The following MBTD1 variants were observed in gnomAD, a reference collection of about 807,000 sequenced individuals.
MBTD1 encodes the protein mbt domain containing 1.
Under a neutral mutation model 87.8 loss-of-function variants are expected in MBTD1, and 24 were observed. The observed-to-expected ratio is 0.27, with a 90% CI of 0.20 to 0.38. MBTD1 has a LOEUF of 0.38. Ranked by LOEUF, MBTD1 falls within the 10% of genes least tolerant of loss-of-function variation. The pLI, the probability that MBTD1 is intolerant of heterozygous loss-of-function variation, is 1.00. For synonymous variants in MBTD1, 237 were observed against 248.6 expected (o/e 0.95, Z 0.44); for missense variants, 436 against 760.2 (o/e 0.57, Z 5.02).
rs192264371 is a variant in MBTD1 at position 51,221,791 on chromosome 17, C to A, written c.155-1328G>T. ...GATTTAAAGTATATGGAAGGATGTG[C>A]GTAAGTTATATGTAAATACCACATC... On this transcript the variant is annotated intron_variant, in intron 3 of 16. Transcript: ENST00000586178. Among the ~76,000 whole-genome samples, 395 of 152,126 alleles carry A rather than the reference C, an allele frequency of 2.6e-3. 4 individuals carry two copies. Among genetic ancestry groups the A allele is most frequent in the South Asian group, 0.015 (73 of 4,814 alleles).
chr17:51,183,517 A>G (rs1279911199), intron 16 of MBTD1: 1 of 152,202 alleles, frequency 6.6e-6, no homozygotes, highest in African/African-American at 2.4e-5. Flanking sequence ...AGAGATGGCA[A>G]TTTATTTTAT....
chr17:51,200,470 A>G (rs1213545920), intron 12 of MBTD1, among the ~76,000 whole-genome samples: 4 of 148,944 alleles, frequency 2.7e-5, no homozygotes. Context: ...CAGGAAGCTG[A>G]AGTGGGAGAA....
intron 13 of MBTD1, among the ~76,000 whole-genome samples, chr17:51,194,752 G>A (rs2051000126): frequency 6.6e-6 from 1 of 151,002 alleles, no homozygotes; most frequent in South Asian, 2.1e-4. Context: ...GTCAGACATG[G>A]TTGTGCCTTT....
At chr17:51,195,025 T>G (rs1381950460) in intron 13 of MBTD1, among the ~76,000 whole-genome samples, 189 bp downstream of exon 13, 1 of 152,200 alleles carries the variant, frequency 6.6e-6, no homozygotes, top group Non-Finnish European at 1.5e-5. Flanking sequence ...CTACTGTAAT[T>G]TATTAAAGTA....
At chr17:51,228,727 T>C (rs2053385209) in intron 2 of MBTD1, among the ~76,000 whole-genome samples, 1 of 150,712 alleles carries the variant, frequency 6.6e-6, no homozygotes, top group Non-Finnish European at 1.5e-5. Context: ...ACCCCACCTC[T>C]ACTAAAAATA....
chr17:51,200,194 C>T (rs1009639541), intron 12 of MBTD1, among the ~76,000 whole-genome samples: 7 of 152,078 alleles, frequency 4.6e-5, no homozygotes, highest in African/African-American at 1.7e-4. Flanking sequence ...TTAAGTTACA[C>T]CTTTATGTAA....
At chr17:51,229,431 G>C (rs2143797348) in intron 2 of MBTD1, among the ~76,000 whole-genome samples, 1 of 152,072 alleles carries the variant, frequency 6.6e-6, no homozygotes, top group Admixed American at 6.6e-5. Flanking sequence ...GCTGAAATCT[G>C]TTGTCCTAAG....
intron 2 of MBTD1, among the ~76,000 whole-genome samples, chr17:51,249,094 CAAA>C (rs34803999): frequency 7.5e-6 from 1 of 132,588 alleles, no homozygotes; most frequent in Admixed American, 7.5e-5. Context: ...CTACAATAAG[CAAA>C]AAAAAAAAAA....
intron 7 of MBTD1, 104 bp downstream of exon 7, chr17:51,206,784 A>G: frequency 1.3e-6 from 1 of 746,900 alleles, no homozygotes; most frequent in Non-Finnish European, 2.2e-6. Context: ...ATCATAACAT[A>G]TTTTTTATTT....
chr17:51,202,190 A>C (rs1159686587), intron 10 of MBTD1, 113 bp from the exon 11 acceptor site: 3 of 688,832 alleles, frequency 4.4e-6, no homozygotes, highest in South Asian at 1.6e-5. Context: ...CATGGCAAGA[A>C]GACATGCCTT....
At chr17:51,256,881 A>G (rs867036423) in intron 2 of MBTD1, 1 of 152,194 alleles carries the variant, frequency 6.6e-6, no homozygotes, top group Non-Finnish European at 1.5e-5. Flanking sequence ...CCATGGAGCT[A>G]CTCAATGGCA....
intron 2 of MBTD1, among the ~76,000 whole-genome samples, chr17:51,258,347 A>T (rs2055214895): frequency 6.6e-6 from 1 of 152,242 alleles, no homozygotes; most frequent in Non-Finnish European, 1.5e-5. Context: ...ATGAAGGAGA[A>T]TGTTAGAAAA....
At chr17:51,201,801 C>A (rs2051507749) in intron 11 of MBTD1, 105 bp from the exon 12 acceptor site, 2 of 814,848 alleles carry the variant, frequency 2.5e-6, no homozygotes, top group Non-Finnish European at 4.1e-6. Context: ...CTCCTACCTA[C>A]CTAATATTAT....
At chr17:51,260,632 A>T (rs117093534), upstream of MBTD1, 3 of 1,612,482 alleles carry the variant, frequency 1.9e-6, no homozygotes, top group African/African-American at 1.3e-5. Context: ...GGAGAACCGG[A>T]GCGAAGCCGA....
chr17:51,240,860 G>C (rs979252961), intron 2 of MBTD1, among the ~76,000 whole-genome samples: 1 of 152,072 alleles, frequency 6.6e-6, no homozygotes, highest in Non-Finnish European at 1.5e-5. Flanking sequence ...AAATTTCCTT[G>C]TTTTGGGTTT....
chr17:51,242,628 T>C (rs1469465984), intron 2 of MBTD1, among the ~76,000 whole-genome samples: 1 of 152,196 alleles, frequency 6.6e-6, no homozygotes, highest in Non-Finnish European at 1.5e-5. Context: ...GGGGGACTAC[T>C]GGGAAGATCA....
chr17:51,232,916 G>T (rs2053622299), intron 2 of MBTD1, among the ~76,000 whole-genome samples: 1 of 151,864 alleles, frequency 6.6e-6, no homozygotes, highest in Non-Finnish European at 1.5e-5. Context: ...GGCAGCTGTG[G>T]TGGTATGTGC....
chr17:51,222,809 T>A (rs553561679), intron 3 of MBTD1, among the ~76,000 whole-genome samples: 1 of 151,704 alleles, frequency 6.6e-6, no homozygotes, highest in Admixed American at 6.6e-5. Flanking sequence ...CTGTTCATAA[T>A]TTTTTTTAGT....
At chr17:51,234,779 C>T (rs1439422231) in intron 2 of MBTD1, among the ~76,000 whole-genome samples, 9 of 152,130 alleles carry the variant, frequency 5.9e-5, no homozygotes, top group African/African-American at 1.9e-4. Context: ...CCGCAACCTC[C>T]GCCTCCCAGG....
Sources: gnomAD v4.1 joint callset for allele counts (sites outside exome capture counted in the v4.1 genomes callset) on GRCh38, gnomAD v4.1.1 for gene constraint, MANE v1.5 for transcripts, NCBI Gene and HGNC (gene_info 2026-07-23, HGNC 2026-07-21) for gene names.